The following AGRN variants were observed in gnomAD, a reference collection of about 807,000 sequenced individuals.
The protein encoded by AGRN is agrin proteoglycan.
A neutral mutation model predicts 211.0 loss-of-function variants in AGRN; 106 were observed. The observed-to-expected ratio is 0.50, with a 90% CI of 0.43 to 0.59. AGRN has a LOEUF of 0.59. AGRN is among the 20% of genes least tolerant of loss of function. The pLI, the probability that AGRN is intolerant of heterozygous loss-of-function variation, is 0.00. For synonymous variants in AGRN, 1,525 were observed against 1,332.5 expected, an observed-to-expected ratio of 1.14 and a Z score of -3.15; for missense variants, 3,040 against 2,982.6, an observed-to-expected ratio of 1.02 and a Z score of -0.45.
chr1:1,042,824 C>T lies in AGRN; in HGVS notation c.1385-415C>T, dbSNP rs753575973. Among the ~76,000 whole-genome samples, 8 of 152,144 alleles carry T rather than the reference C, an allele frequency of 5.3e-5. No individual in the cohort carries two copies. The South Asian group carries it at 8.3e-4, about 16-fold the overall frequency. On this transcript the variant is annotated intron_variant, in intron 7 of 35. Coordinates refer to ENST00000379370, the MANE Select transcript of AGRN (RefSeq NM_198576.4). Reference sequence around the variant, plus strand: ...GGTCCTCAGAGCAAGTGGACAGACACCTCCTCCCCCGTGCAGCCCTGGGTG... The same window carrying T: ...GGTCCTCAGAGCAAGTGGACAGACATCTCCTCCCCCGTGCAGCCCTGGGTG...
rs748875810 is a variant in AGRN, at chr1:1,043,220, G to A, written c.1385-19G>A. The A allele has an allele frequency of 4.5e-6, 7 of 1,546,260 alleles. No homozygotes were observed. The highest frequency in any genetic ancestry group is 2.5e-5 in the East Asian group (1 of 40,282). On this transcript the variant is annotated intron_variant, in intron 7 of 35. Transcript: ENST00000379370. ...GAGGGGGGGCTTGTGGGACCACTGA[G>A]CCCCTGTGTCCTTCCCAGACCAGGC...
chr1:1,043,251 C>G lies in AGRN; in HGVS notation c.1397C>G (p.Ser466Cys). 6.2e-7 allele frequency: 1 copy of G among 1,607,090 alleles called. No homozygotes were observed. The highest frequency in any genetic ancestry group is 8.5e-7 in the Non-Finnish European group (1 of 1,177,928). Residue 466 changes from serine to cysteine, a missense_variant, in exon 8 of 36, where the codon TCC (serine) becomes TGC (cysteine). Physicochemically the swap from Ser to Cys is moderately radical, Grantham distance 112 (BLOSUM62 -1). This residue lies in a region of AGRN where 1,498 missense variants were observed against 1,457.8 expected (regional missense o/e 1.03). Transcript: ENST00000379370. ...GTGTCCTTCCCAGACCAGGCCCCGT[C>G]CCCATGCCTCGGGGTGCAGTGTGCA... ...KHQGPCDQAP[S>C]PCLGVQCAFG...
chr1:1,045,810 G>A lies in AGRN; in HGVS notation c.2614G>A (p.Val872Met). ...GGGGCTGTGCTCGTGTAAGCCCGGG[G>A]TGGCTGGACCCAAGTGTGGGCAGTG... ...MTGLCSCKPG[V>M]AGPKCGQCPD... The change falls in exon 15 of 36, where the codon GTG becomes ATG. Residue 872 changes from valine to methionine, a missense_variant. Val to Met is a conservative substitution (Grantham distance 21, BLOSUM62 1). Transcript: ENST00000379370. 2 of 1,613,042 alleles carry A rather than the reference G, an allele frequency of 1.2e-6. No individual in the cohort carries two copies. Among genetic ancestry groups the A allele is most frequent in the Non-Finnish European group, 1.7e-6 (2 of 1,179,936 alleles).
chr1:1,047,023 C>G, intron 19 of AGRN, 66 bp downstream of exon 19: 1 of 1,546,490 alleles, frequency 6.5e-7, no homozygotes, highest in Non-Finnish European at 8.7e-7. Context: ...GCTGCCCCCT[C>G]GCCTGGGCAG....
At chr1:1,025,033 A>T (rs1644489580) in intron 2 of AGRN, among the ~76,000 whole-genome samples, 1 of 151,066 alleles carries the variant, frequency 6.6e-6, no homozygotes, top group Admixed American at 6.6e-5. Context: ...CTCCCAGCCC[A>T]CCTCACAAAG....
Position 1,050,035 on chromosome 1 carries a change from C to A in AGRN, c.4877C>A (p.Thr1626Lys). 1 of 1,556,308 alleles carries A rather than the reference C, an allele frequency of 6.4e-7. No individual in the cohort carries two copies. Among genetic ancestry groups the A allele is most frequent in the Non-Finnish European group, 8.7e-7 (1 of 1,150,088 alleles). The change falls in exon 27 of 36, where the codon ACA becomes AAA. Residue 1626 changes from threonine to lysine, a missense_variant and splice_region_variant. Coordinates refer to ENST00000379370, the MANE Select transcript of AGRN (RefSeq NM_198576.4). ...GGGCGTGAGGGCACCTTCTGCCAGA[C>A]AGGTCGGGGGCGTGGGGCTCTCGGG... ...PLGREGTFCQ[T>K]ASGQDGSGPF... is the part of the protein sequence containing the mutation.
At chr1:1,033,309 C>A (rs1644714268) in intron 2 of AGRN, among the ~76,000 whole-genome samples, 1 of 152,016 alleles carries the variant, frequency 6.6e-6, no homozygotes, top group African/African-American at 2.4e-5. Flanking sequence ...CTGGGGCCCT[C>A]CCCCACCTAC....
chr1:1,049,521 G>A (rs769261921), intron 25 of AGRN, 45 bp from the exon 26 acceptor site: 57 of 1,593,584 alleles, frequency 3.6e-5, no homozygotes, highest in Admixed American at 5.2e-5. Context: ...AGGTGGCTTT[G>A]CCTGTGGCCC....
rs555897859 is a variant in AGRN, at chr1:1,050,599, G to A, written c.5141+8G>A. 1.4e-5 allele frequency: 23 copies of A among 1,607,334 alleles called. No homozygotes were observed. Among genetic ancestry groups the A allele is most frequent in the East Asian group, 8.9e-5 (4 of 44,732 alleles). ...GGGGGCAGCGGTCATCAGGTGGGCC[G>A]GCAAGGGTGGCTCTGGGAGGCCTGG... On this transcript the variant is annotated splice_region_variant and intron_variant, in intron 29 of 35. Transcript: ENST00000379370.
In AGRN at chr1:1,053,882, C is replaced by G; in HGVS notation, c.5781C>G (p.His1927Gln). ...TGGCACTGGCCATTGTGGACGGGCA[C>G]CTGCAACTGAGCTACAACCTGGGCT... The part of the protein sequence containing the change: ...DYVALAIVDG[H>Q]LQLSYNLGSQ... Residue 1927 changes from histidine to glutamine, a missense_variant, in exon 34 of 36, where the codon CAC becomes CAG. His to Gln is a conservative substitution (Grantham distance 24). Transcript: ENST00000379370. 1 of 1,609,474 alleles carries G rather than the reference C, an allele frequency of 6.2e-7. No homozygotes were observed. The highest frequency in any genetic ancestry group is 1.1e-5 in the South Asian group (1 of 90,166).
At chr1:1,052,073 G>C in intron 33 of AGRN, 1 of 1,468,036 alleles carries the variant, frequency 6.8e-7, no homozygotes, top group Non-Finnish European at 9.1e-7. Flanking sequence ...CATCCTTCCT[G>C]GTGGGGAGCA....
At position 1,055,383 on chromosome 1, in the gene AGRN, T is replaced by C. The variant is rs1645426541; in HGVS notation, c.*402T>C. On this transcript the variant is annotated 3_prime_UTR_variant, in exon 36 of 36. Transcript: ENST00000379370. ...CCTCCGGGTGACCCCACAGGGCCTT[T>C]CCAAGCCCCCATTTGAGCTGCTCCT... is the stretch of plus-strand genomic sequence containing the variant. 1 of 347,632 alleles carries C rather than the reference T, an allele frequency of 2.9e-6. No homozygotes were observed. The highest frequency in any genetic ancestry group is 5.6e-6 in the Non-Finnish European group (1 of 177,728). The allele number at this position is 347,632 out of a possible 1,614,324, so 21.5% of individuals were successfully genotyped here.
In AGRN at chr1:1,048,154, T is replaced by C. The variant is rs757467441; in HGVS notation, c.3894T>C (p.Val1298=). The change falls in exon 23 of 36, where the codon GTT becomes GTC. Residue 1298 remains valine (V), a synonymous_variant. Transcript: ENST00000379370. This position sits in a 1 kb window ranked among gnomAD's most constrained non-coding sequence, Gnocchi z 5.9. ...ACCCCAGTCACACAAGCCAGCCCGT[T>C]GCCAAGACCACGGCAGCCCCCACCA... ...APHPSHTSQP[V]AKTTAAPTTR... 6 of 1,580,234 alleles carry C rather than the reference T, an allele frequency of 3.8e-6. No individual in the cohort carries two copies. Among genetic ancestry groups the C allele is most frequent in the Non-Finnish European group, 5.1e-6 (6 of 1,169,948 alleles).
At chr1:1,025,408 G>C (rs1385602573) in intron 2 of AGRN, among the ~76,000 whole-genome samples, 1 of 152,182 alleles carries the variant, frequency 6.6e-6, no homozygotes, top group Non-Finnish European at 1.5e-5. Context: ...TCGGTGCTGG[G>C]GTTGAGGGGC....
intron 17 of AGRN, 60 bp from the exon 18 acceptor site, chr1:1,046,337 G>C: frequency 2.5e-6 from 4 of 1,598,298 alleles, no homozygotes; most frequent in East Asian, 2.2e-5. Context: ...AGCCCCACCC[G>C]CCCTGAGCCA....
rs759452317 is a variant in AGRN, at chr1:1,047,875, A to G, written c.3731A>G (p.His1244Arg). 7.5e-6 allele frequency: 12 copies of G among 1,605,920 alleles called. No individual in the cohort carries two copies. The African/African-American group carries it at 1.5e-4, about 20-fold the overall frequency. Reference sequence around the variant, plus strand: ...GGGGTGAGGCGGCCGCTGCAGGAGCACGTGCGATTTATGGACTTTGGTGAG... The same window carrying G: ...GGGGTGAGGCGGCCGCTGCAGGAGCGCGTGCGATTTATGGACTTTGGTGAG... Reference protein sequence around the residue: ...SLGVRRPLQEHVRFMDFDWFP... With the variant: ...SLGVRRPLQERVRFMDFDWFP... Residue 1244 changes from histidine to arginine, a missense_variant, in exon 22 of 36, where the codon CAC becomes CGC. By Grantham distance (29) the His-to-Arg change is conservative. Around this residue, in one of 3 missense-constraint regions of AGRN, gnomAD observed 1,537 missense variants for 1,505.0 expected, o/e 1.02. Coordinates refer to ENST00000379370, the MANE Select transcript of AGRN (RefSeq NM_198576.4).
At chr1:1,045,640 T>TG (rs1645070160) in intron 14 of AGRN, 93 bp from the exon 15 acceptor site, 1 of 1,607,864 alleles carries the variant, frequency 6.2e-7, no homozygotes, top group Non-Finnish European at 8.5e-7. Flanking sequence ...GGCTGGGGGC[T>TG]GGGCAGAGCC....
Position 1,048,870 on chromosome 1 carries a change from T to C in AGRN, c.4109T>C (p.Leu1370Pro). 6.5e-7 allele frequency: 1 copy of C among 1,537,018 alleles called. No homozygotes were observed. The highest frequency in any genetic ancestry group is 8.8e-7 in the Non-Finnish European group (1 of 1,142,008). Residue 1370 changes from leucine to proline, a missense_variant, in exon 24 of 36, where the codon CTT becomes CCT. Physicochemically the swap from Leu to Pro is moderately conservative, Grantham distance 98 (BLOSUM62 -3). Around this residue, in one of 3 missense-constraint regions of AGRN, gnomAD observed 1,537 missense variants for 1,505.0 expected, o/e 1.02. Transcript: ENST00000379370. This position sits in a 1 kb window ranked among gnomAD's most constrained non-coding sequence, Gnocchi z 5.9. ...CCCTCCCGGTCGCCCTTTGCAGTGC[T>C]TGGCGCCCCTGTGCCGGCCTTCGAG... The part of the protein sequence containing the change: ...GRGGAVCEKV[L>P]GAPVPAFEGR...
rs1379174805 is a variant in AGRN, at chr1:1,046,587, C to T, written c.3102C>T (p.Thr1034=). Residue 1034 remains threonine (T), a synonymous_variant, in exon 18 of 36, where the codon ACC becomes ACT. Coordinates refer to ENST00000379370, the MANE Select transcript of AGRN (RefSeq NM_198576.4). The part of the protein sequence containing the change: ...PRTTASVPRT[T]VWPVLTVPPT... ...CCACTGCCAGCGTCCCCAGGACCAC[C>T]GTGTGGCCCGTGCTGACGGTGCCCC... 5.0e-6 allele frequency: 8 copies of T among 1,606,644 alleles called. No homozygotes were observed. Among genetic ancestry groups the T allele is most frequent in the Admixed American group, 3.3e-5 (2 of 59,812 alleles).
Sources: allele counts gnomAD v4.1 joint callset (sites outside exome capture counted in the v4.1 genomes callset), GRCh38; gene constraint gnomAD v4.1.1; regional missense constraint gnomAD v4.1.1; non-coding constraint Gnocchi (gnomAD v3.1); transcripts MANE v1.5; gene names NCBI Gene and HGNC (gene_info 2026-07-23, HGNC 2026-07-21).